SDK1: variants seen among roughly 807,000 people sequenced by gnomAD.
SDK1 encodes sidekick cell adhesion molecule 1, also known as protein sidekick-1.
A neutral mutation model predicts 245.5 loss-of-function variants in SDK1; 157 were observed. That is an observed-to-expected ratio of 0.64 (90% confidence interval 0.56 to 0.73). The LOEUF is 0.73. SDK1 is among the 30% of genes least tolerant of loss of function. The probability of loss-of-function intolerance (pLI) is 0.00; values close to 1 mark genes in which losing one functional copy is unlikely to be tolerated. For synonymous variants in SDK1, 1,647 were observed against 1,278.5 expected (o/e 1.29, Z -6.15); for missense variants, 3,583 against 3,002.3 (o/e 1.19, Z -4.52).
chr7:3,478,518 T>C (rs908999433), intron 1 of SDK1, among the ~76,000 whole-genome samples: 4 of 152,022 alleles, frequency 2.6e-5, no homozygotes, highest in Non-Finnish European at 5.9e-5. Context: ...TAAAAATAAC[T>C]TTATTTTTAA....
intron 4 of SDK1, among the ~76,000 whole-genome samples, chr7:3,761,573 A>G (rs1460631708): frequency 6.6e-6 from 1 of 151,368 alleles, no homozygotes; most frequent in Non-Finnish European, 1.5e-5. Flanking sequence ...AAAAATAATA[A>G]TAATAGGCCT....
chr7:3,743,950 C>T (rs979833593), intron 4 of SDK1, among the ~76,000 whole-genome samples: 2 of 152,074 alleles, frequency 1.3e-5, no homozygotes, highest in African/African-American at 2.4e-5. Flanking sequence ...TTTCCTGTGG[C>T]GTTATTATCC....
intron 1 of SDK1, among the ~76,000 whole-genome samples, chr7:3,413,912 G>T (rs1308623349): frequency 6.6e-6 from 1 of 152,148 alleles, no homozygotes; most frequent in Admixed American, 6.5e-5. Context: ...GTTCAAAGTT[G>T]CAGTGAGCAG....
chr7:4,177,996 C>T lies in SDK1; in HGVS notation c.4997-489C>T, dbSNP rs185307278. Among the ~76,000 whole-genome samples the T allele has an allele frequency of 2.7e-3, 410 of 152,238 alleles. 2 individuals are homozygous for T. Among genetic ancestry groups the T allele is most frequent in the African/African-American group, 8.5e-3 (354 of 41,572 alleles). On this transcript the variant is annotated intron_variant, in intron 34 of 44. Coordinates refer to ENST00000404826, the MANE Select transcript of SDK1 (RefSeq NM_152744.4). The stretch of plus-strand genomic sequence containing the variant: ...TAAGGAGCACGCAACCTAGATCCCT[C>T]GCACGCGCAGTTCCCAATAGGGTTT...
intron 1 of SDK1, among the ~76,000 whole-genome samples, chr7:3,368,748 T>C (rs1781152575): frequency 6.6e-6 from 1 of 152,174 alleles, no homozygotes; most frequent in African/African-American, 2.4e-5. Context: ...ATTCCAAACC[T>C]CCTGGGCTGG....
intron 1 of SDK1, among the ~76,000 whole-genome samples, chr7:3,424,444 C>G (rs141840768): frequency 2.2e-3 from 329 of 152,270 alleles, no homozygotes; most frequent in African/African-American, 6.5e-3. Context: ...TGGGCTGATT[C>G]AGGAAATCTT....
intron 3 of SDK1, among the ~76,000 whole-genome samples, chr7:3,639,599 A>G (rs961639373): frequency 6.6e-5 from 10 of 152,176 alleles, no homozygotes; most frequent in South Asian, 2.1e-4. Context: ...TTTATTCAGC[A>G]GATCCATTTT....
intron 5 of SDK1, among the ~76,000 whole-genome samples, chr7:3,874,704 C>G (rs1254499698): frequency 2.0e-5 from 3 of 152,034 alleles, no homozygotes; most frequent in African/African-American, 7.2e-5. Flanking sequence ...GGCTTTCATT[C>G]CTTAGGGAAG....
intron 1 of SDK1, among the ~76,000 whole-genome samples, chr7:3,466,981 C>CTCT (rs1781023708): frequency 3.5e-5 from 1 of 28,258 alleles, no homozygotes; most frequent in South Asian, 1.4e-3. Context: ...TCTCTCTCTA[C>CTCT]ACACACACAC....
chr7:3,799,853 A>G (rs779611038), intron 4 of SDK1, among the ~76,000 whole-genome samples: 1 of 152,144 alleles, frequency 6.6e-6, no homozygotes, highest in Non-Finnish European at 1.5e-5. Context: ...AAATTTGACT[A>G]AATTACTGTA....
intron 1 of SDK1, among the ~76,000 whole-genome samples, chr7:3,603,733 C>G (rs145872514): frequency 0.012 from 1,793 of 152,200 alleles, 65 homozygotes; most frequent in East Asian, 0.052. Context: ...AATAGGAGTG[C>G]TGAGAGAGGG....
chr7:3,340,292 T>C (rs1780311863), intron 1 of SDK1, among the ~76,000 whole-genome samples: 1 of 152,076 alleles, frequency 6.6e-6, no homozygotes, highest in South Asian at 2.1e-4. Context: ...AGTGTATATA[T>C]ATAAAAGTTA....
At chr7:3,980,802 C>A (rs1007824837) in intron 13 of SDK1, among the ~76,000 whole-genome samples, 1 of 151,990 alleles carries the variant, frequency 6.6e-6, no homozygotes, top group African/African-American at 2.4e-5. Context: ...ATTAGCCGGG[C>A]GTGGTGTTGG....
intron 4 of SDK1, among the ~76,000 whole-genome samples, chr7:3,806,984 C>T (rs757749937): frequency 2.6e-5 from 4 of 152,134 alleles, no homozygotes; most frequent in Non-Finnish European, 4.4e-5. Flanking sequence ...CAAAACGGCC[C>T]TTTTTGAGTT....
rs551173939 is a variant in SDK1 at position 4,268,910 on chromosome 7, C to G, written c.*3526C>G. On this transcript the variant is annotated 3_prime_UTR_variant, in exon 45 of 45. Transcript: ENST00000404826. ...TCTGAAATTGTGCAGAAAAACAGAT[C>G]TCATTAAAAGAAAAAAAGAAACAAC... 19 of 381,196 alleles carry G rather than the reference C, an allele frequency of 5.0e-5. No homozygotes were observed. Among genetic ancestry groups the G allele is most frequent in the African/African-American group, 3.6e-4 (17 of 47,458 alleles). The allele number at this position is 381,196 out of a possible 1,614,324, so 23.6% of individuals were successfully genotyped here.
At chr7:4,086,508 C>G (rs1166229149) in intron 22 of SDK1, among the ~76,000 whole-genome samples, 1 of 152,120 alleles carries the variant, frequency 6.6e-6, no homozygotes, top group Non-Finnish European at 1.5e-5. Context: ...TGCTGTCAGC[C>G]ATGGTCATTC....
At chr7:3,777,729 C>G (rs1780608447) in intron 4 of SDK1, among the ~76,000 whole-genome samples, 1 of 152,198 alleles carries the variant, frequency 6.6e-6, no homozygotes, top group African/African-American at 2.4e-5. Context: ...CTATATATTA[C>G]TTTGCAATCA....
rs575374542 is a variant in SDK1 at position 4,241,857 on chromosome 7, G to A, written c.6195G>A (p.Glu2065=). The A allele has an allele frequency of 6.2e-7, 1 of 1,614,124 alleles. No homozygotes were observed. The highest frequency in any genetic ancestry group is 8.5e-7 in the Non-Finnish European group (1 of 1,180,038). The change falls in exon 43 of 45, where the codon GAG becomes GAA. Residue 2065 remains glutamate (E), a synonymous_variant. Transcript: ENST00000404826. ...ACAACGGAGGATTTGCTGCCCTGGA[G>A]CTCAGCAGCCGCCACCTCAATGTCA... ...TLDNGGFAAL[E]LSSRHLNVKS...
At chr7:3,306,470 G>A (rs1004768850) in intron 1 of SDK1, among the ~76,000 whole-genome samples, 1 of 152,186 alleles carries the variant, frequency 6.6e-6, no homozygotes, top group Non-Finnish European at 1.5e-5. Flanking sequence ...GCACTGAAGT[G>A]TATGAATTTG....
Sources: gnomAD v4.1 joint callset for allele counts (sites outside exome capture counted in the v4.1 genomes callset) on GRCh38, gnomAD v4.1.1 for gene constraint, MANE v1.5 for transcripts, NCBI Gene and HGNC (gene_info 2026-07-23, HGNC 2026-07-21) for gene names.